ARL5A: variants seen among roughly 807,000 people sequenced by gnomAD.
ARL5A encodes ARF like GTPase 5A.
A neutral mutation model predicts 25.9 loss-of-function variants in ARL5A; 18 were observed. That is an observed-to-expected ratio of 0.69 (90% confidence interval 0.48 to 1.03). The LOEUF (loss-of-function observed/expected upper bound fraction) is 1.03. Ranked by LOEUF, ARL5A falls within the 50% of genes least tolerant of loss-of-function variation. The pLI, the probability that ARL5A is intolerant of heterozygous loss-of-function variation, is 0.00. For missense variants in ARL5A, 170 were observed against 211.9 expected (o/e 0.80, Z 1.23); for synonymous variants, 61 against 67.5 (o/e 0.90, Z 0.47).
In ARL5A at chr2:151,798,837, A is replaced by G. The variant is rs547202289; in HGVS notation, c.*4439T>C. 7.2e-5 allele frequency: 11 copies of G among 152,128 alleles called. No individual in the cohort carries two copies. Among genetic ancestry groups the G allele is most frequent in the Admixed American group, 1.3e-4 (2 of 15,262 alleles). 9.4% of individuals were successfully genotyped at this position (152,128 alleles called of 1,614,324 possible). A position where few individuals can be genotyped will look rare whatever the true frequency, so the allele number is the denominator to read the frequency against. Reference sequence around the variant, plus strand: ...ATATAATTTATTAGATGGGCTTAAAATCAACACAAATCCATTTTTAGGCAC... The same window carrying G: ...ATATAATTTATTAGATGGGCTTAAAGTCAACACAAATCCATTTTTAGGCAC... On this transcript the variant is annotated 3_prime_UTR_variant, in exon 6 of 6. Coordinates refer to ENST00000295087, the MANE Select transcript of ARL5A (RefSeq NM_012097.4).
chr2:151,801,135 T>G lies in ARL5A; in HGVS notation c.*2141A>C, dbSNP rs2099829364. On this transcript the variant is annotated 3_prime_UTR_variant, in exon 6 of 6. Transcript: ENST00000295087. ...TATTTTTAATGTTTACCTTGAAGGG[T>G]AGAAAACAAAATCATGTTTTATAAA... is the stretch of plus-strand genomic sequence containing the variant. 6.6e-6 allele frequency: 1 copy of G among 152,594 alleles called. No individual in the cohort carries two copies. Among genetic ancestry groups the G allele is most frequent in the African/African-American group, 2.4e-5 (1 of 41,462 alleles). 9.5% of individuals were successfully genotyped at this position (152,594 alleles called of 1,614,324 possible).
At chr2:151,818,471 G>A (rs562283219) in intron 1 of ARL5A, among the ~76,000 whole-genome samples, 1 of 152,204 alleles carries the variant, frequency 6.6e-6, no homozygotes, top group Admixed American at 6.5e-5. Context: ...GAGATGGGAT[G>A]TCCCTGTGTT....
At chr2:151,822,931 G>A (rs751599352) in intron 1 of ARL5A, among the ~76,000 whole-genome samples, 8 of 152,142 alleles carry the variant, frequency 5.3e-5, no homozygotes, top group Admixed American at 2.6e-4. Context: ...TTCATTGCCA[G>A]TTTTTAAAAG....
chr2:151,827,991 C>T, intron 1 of ARL5A, 140 bp downstream of exon 1: 1 of 830,550 alleles, frequency 1.2e-6, no homozygotes, highest in Non-Finnish European at 2.0e-6. Flanking sequence ...GTCCCGGGCC[C>T]GTATCCGCGC....
rs1369499210 is a variant in ARL5A at position 151,805,743 on chromosome 2, AAC to A, written c.491+1076_491+1077del. ...TGTACTGAAACATATCTAAAAATAGAACAGTTATTGTAAACATATAGTATTTT... is the reference window on the plus strand; with the variant it reads ...TGTACTGAAACATATCTAAAAATAGAAGTTATTGTAAACATATAGTATTTT... On this transcript the variant is annotated intron_variant, in intron 5 of 5. Transcript: ENST00000295087. 4.6e-5 allele frequency among the ~76,000 whole-genome samples: 7 copies of A among 152,324 alleles called. No homozygotes were observed. In the East Asian group the frequency reaches 1.3e-3, roughly 29 times the overall value.
At chr2:151,816,425 T>A in intron 1 of ARL5A, among the ~76,000 whole-genome samples, 1 of 152,236 alleles carries the variant, frequency 6.6e-6, no homozygotes. Flanking sequence ...TAGCTGAGCT[T>A]AGTCGACGCG....
intron 5 of ARL5A, among the ~76,000 whole-genome samples, chr2:151,805,729 A>T (rs1257095303): frequency 1.3e-5 from 2 of 152,176 alleles, no homozygotes; most frequent in Non-Finnish European, 2.9e-5. Flanking sequence ...GTACTGAAAC[A>T]TATCTAAAAA....
chr2:151,805,609 T>C (rs139765615), intron 5 of ARL5A, among the ~76,000 whole-genome samples: 39 of 152,302 alleles, frequency 2.6e-4, no homozygotes, highest in African/African-American at 8.7e-4. Context: ...TAGCCTAGTA[T>C]GCACCTAGGC....
rs1337226576 is a variant in ARL5A, at chr2:151,801,775, G to A, written c.*1501C>T. Reference sequence around the variant, plus strand: ...TCATGAAATTTAAAAGGCTGATATTGAAGGTAGTTTTTTTTTCTCAAATAT... The same window carrying A: ...TCATGAAATTTAAAAGGCTGATATTAAAGGTAGTTTTTTTTTCTCAAATAT... On this transcript the variant is annotated 3_prime_UTR_variant, in exon 6 of 6. Transcript: ENST00000295087. 3.3e-5 allele frequency: 5 copies of A among 152,002 alleles called. No homozygotes were observed. The highest frequency in any genetic ancestry group is 1.2e-4 in the African/African-American group (5 of 41,398). 9.4% of individuals were successfully genotyped at this position (152,002 alleles called of 1,614,324 possible).
intron 1 of ARL5A, among the ~76,000 whole-genome samples, chr2:151,820,989 G>A (rs2099832229): frequency 6.6e-6 from 1 of 152,160 alleles, no homozygotes; most frequent in Admixed American, 6.5e-5. Context: ...CTAAATCCAG[G>A]TAAGATCATT....
intron 5 of ARL5A, among the ~76,000 whole-genome samples, chr2:151,805,409 T>C (rs2099829960): frequency 6.6e-6 from 1 of 152,156 alleles, no homozygotes; most frequent in Admixed American, 6.5e-5. Context: ...TTTTGTCCTT[T>C]CCTAACACCT....
intron 5 of ARL5A, among the ~76,000 whole-genome samples, chr2:151,804,143 T>C (rs2099829785): frequency 6.6e-6 from 1 of 152,154 alleles, no homozygotes; most frequent in Non-Finnish European, 1.5e-5. Context: ...ATTGTAGTTA[T>C]TAAAACAAAG....
rs987432430 is a variant in ARL5A at position 151,800,932 on chromosome 2, A to G, written c.*2344T>C. The G allele has an allele frequency of 2.0e-5, 3 of 152,684 alleles. No individual in the cohort carries two copies. The highest frequency in any genetic ancestry group is 4.8e-5 in the African/African-American group (2 of 41,562). 9.5% of individuals were successfully genotyped at this position (152,684 alleles called of 1,614,324 possible). On this transcript the variant is annotated 3_prime_UTR_variant, in exon 6 of 6. Transcript: ENST00000295087. Reference sequence around the variant, plus strand: ...AGTGGCATATTAAAAACCCAAAAGCATCTCCCTCTGCTTAATTCCACTTAA... The same window carrying G: ...AGTGGCATATTAAAAACCCAAAAGCGTCTCCCTCTGCTTAATTCCACTTAA...
chr2:151,817,539 T>A (rs569073795), intron 1 of ARL5A, among the ~76,000 whole-genome samples: 2 of 152,364 alleles, frequency 1.3e-5, no homozygotes, highest in South Asian at 4.1e-4. Context: ...TATAGGCACC[T>A]CCTATTATAC....
Position 151,800,358 on chromosome 2 carries a change from G to A in ARL5A, c.*2918C>T, listed in dbSNP as rs1284003676. The A allele has an allele frequency of 6.6e-6, 1 of 152,158 alleles. No individual in the cohort carries two copies. Among genetic ancestry groups the A allele is most frequent in the Non-Finnish European group, 1.5e-5 (1 of 68,014 alleles). The allele number at this position is 152,158 out of a possible 1,614,324, so 9.4% of individuals were successfully genotyped here. A position where few individuals can be genotyped will look rare whatever the true frequency, so the allele number is the denominator to read the frequency against. ...ACAATGTCAGGGACTTCATGCCTTT[G>A]CTCAAGCTCTGTGCATTTCTCTGGG... On this transcript the variant is annotated 3_prime_UTR_variant, in exon 6 of 6. Transcript: ENST00000295087.
intron 3 of ARL5A, among the ~76,000 whole-genome samples, chr2:151,812,641 G>A (rs774540160): frequency 1.3e-5 from 2 of 152,064 alleles, no homozygotes; most frequent in African/African-American, 4.8e-5. Context: ...TAAGAGAAAA[G>A]AGAATATGAT....
Position 151,802,273 on chromosome 2 carries a change from T to C in ARL5A, c.*1003A>G, listed in dbSNP as rs1408568631. On this transcript the variant is annotated 3_prime_UTR_variant, in exon 6 of 6. Transcript: ENST00000295087. ...ATTTAATACTTAAAAATAATATAGC[T>C]AAGTTGTTTAATAGTATTTATAGAA... 6.6e-6 allele frequency: 1 copy of C among 152,158 alleles called. No individual in the cohort carries two copies. The highest frequency in any genetic ancestry group is 1.5e-5 in the Non-Finnish European group (1 of 67,986). The allele number at this position is 152,158 out of a possible 1,614,324, so 9.4% of individuals were successfully genotyped here.
intron 4 of ARL5A, among the ~76,000 whole-genome samples, chr2:151,810,997 T>C (rs143709456): frequency 7.9e-4 from 121 of 152,318 alleles, no homozygotes; most frequent in Non-Finnish European, 1.6e-3. Flanking sequence ...TTACGGCTTA[T>C]TGCTTGTATC....
Position 151,815,153 on chromosome 2 carries a change from G to T in ARL5A, c.93C>A (p.Thr31=). The change falls in exon 2 of 6, where the codon ACC becomes ACA. Residue 31 remains threonine, a synonymous_variant. Transcript: ENST00000295087. ...TTAATACTTACAATTGGTAAAGAAT[G>T]GTAGTTTTCCCTGCATTATCCAGCC... The part of the protein sequence containing the change: ...IVGLDNAGKT[T]ILYQFSMNEV... 1 of 1,605,366 alleles carries T rather than the reference G, an allele frequency of 6.2e-7. No individual in the cohort carries two copies. The highest frequency in any genetic ancestry group is 1.1e-5 in the South Asian group (1 of 89,188).
Sources: allele counts gnomAD v4.1 joint callset (sites outside exome capture counted in the v4.1 genomes callset), GRCh38; gene constraint gnomAD v4.1.1; transcripts MANE v1.5; gene names NCBI Gene and HGNC (gene_info 2026-07-23, HGNC 2026-07-21).